The following CCDC141 variants were observed in gnomAD, a reference collection of about 807,000 sequenced individuals.
CCDC141 encodes the protein coiled-coil domain-containing protein 141.
CCDC141 carries 168 observed loss-of-function variants against 181.0 expected under a neutral mutation model. That is an observed-to-expected ratio of 0.93 (90% CI 0.82 to 1.05). The LOEUF is 1.05. Among genes scored for constraint, CCDC141 ranks in the 50% least tolerant of loss-of-function variants. The pLI is 0.00. For synonymous variants in CCDC141, 666 were observed against 642.3 expected, an observed-to-expected ratio of 1.04 and a Z score of -0.56; for missense variants, 1,902 against 1,788.5, an observed-to-expected ratio of 1.06 and a Z score of -1.14.
chr2:178,869,151 T>C lies in CCDC141; in HGVS notation c.2360A>G (p.Tyr787Cys). Reference protein sequence around the residue: ...ERIQDYEDILYKVVQFHQVKE... With the variant: ...ERIQDYEDILCKVVQFHQVKE... ...GACTTGATGGAACTGGACCACCTTG[T>C]ACAGGATATCCTCGTAATCCTGGAT... The change falls in exon 15 of 24, where the codon TAC becomes TGC. Residue 787 changes from tyrosine (Y) to cysteine (C), a missense_variant. By Grantham distance (194) the Tyr-to-Cys change is radical (BLOSUM62 -2). Coordinates refer to ENST00000443758, the MANE Select transcript of CCDC141 (RefSeq NM_173648.4). 6.2e-7 allele frequency: 1 copy of C among 1,611,912 alleles called. No homozygotes were observed. Among genetic ancestry groups the C allele is most frequent in the Non-Finnish European group, 8.5e-7 (1 of 1,179,220 alleles).
chr2:178,970,939 G>GAA (rs1690857036), intron 4 of CCDC141, among the ~76,000 whole-genome samples: 1 of 152,224 alleles, frequency 6.6e-6, no homozygotes, highest in Non-Finnish European at 1.5e-5. Flanking sequence ...GCCGGGCACA[G>GAA]TGGCTCACGC....
At chr2:178,842,770 C>T (rs1174110876) in intron 22 of CCDC141, among the ~76,000 whole-genome samples, 2 of 152,184 alleles carry the variant, frequency 1.3e-5, no homozygotes, top group Non-Finnish European at 1.5e-5. Flanking sequence ...CTGTAAAACA[C>T]ATTTGTAGAG....
At chr2:178,877,113 G>T (rs536925237) in intron 12 of CCDC141, 242 of 152,228 alleles carry the variant, frequency 1.6e-3, no homozygotes, top group African/African-American at 5.7e-3. Context: ...ACAAACCATA[G>T]AAAATCCTGA....
intron 2 of CCDC141, among the ~76,000 whole-genome samples, chr2:179,004,640 A>T (rs2042073267): frequency 6.6e-6 from 1 of 152,158 alleles, no homozygotes; most frequent in Admixed American, 6.6e-5. Context: ...TGACATCTGG[A>T]TATTGATTTC....
In CCDC141 at chr2:178,881,730, A is replaced by C. The variant is rs1012747684; in HGVS notation, c.1719+3171T>G. Among the ~76,000 whole-genome samples the C allele has an allele frequency of 2.4e-4, 37 of 151,972 alleles. 1 individual carries two copies. The highest frequency in any genetic ancestry group is 1.9e-4 in the East Asian group (1 of 5,176). ...ATGAAGAAACCCCATTTTTACAAAA[A>C]AAAATACAAAAAAATTAGCTGGGCT... is the stretch of plus-strand genomic sequence containing the variant. On this transcript the variant is annotated intron_variant, in intron 11 of 23. Coordinates refer to ENST00000443758, the MANE Select transcript of CCDC141 (RefSeq NM_173648.4).
chr2:178,862,163 AGAACATGTGACCGATACATG>A (rs1245059171), intron 17 of CCDC141, among the ~76,000 whole-genome samples: 1 of 152,362 alleles, frequency 6.6e-6, no homozygotes, highest in East Asian at 1.9e-4. Context: ...TTGTGCCATT[AGAACATGTGACCGATACATG>A]GAACATATAT....
At chr2:178,865,113 G>A (rs1685787226) in intron 17 of CCDC141, among the ~76,000 whole-genome samples, 1 of 152,220 alleles carries the variant, frequency 6.6e-6, no homozygotes, top group Non-Finnish European at 1.5e-5. Flanking sequence ...TGTTACAGTT[G>A]AGGGGGAGGA....
intron 19 of CCDC141, 142 bp from the exon 20 acceptor site, chr2:178,853,766 A>T (rs1420024769): frequency 1.3e-5 from 8 of 629,934 alleles, no homozygotes; most frequent in Non-Finnish European, 2.1e-5. Flanking sequence ...TAATAAAGAA[A>T]ATATTAAAAC....
chr2:178,870,354 T>C (rs1686061915), intron 14 of CCDC141, among the ~76,000 whole-genome samples: 1 of 151,812 alleles, frequency 6.6e-6, no homozygotes, highest in Non-Finnish European at 1.5e-5. Flanking sequence ...AAGGAGATAA[T>C]TTTCAGAAGA....
At chr2:178,838,942 G>A (rs1684603527) in intron 22 of CCDC141, among the ~76,000 whole-genome samples, 1 of 152,118 alleles carries the variant, frequency 6.6e-6, no homozygotes, top group African/African-American at 2.4e-5. Context: ...CCCACCTGCT[G>A]GTTTTATATC....
chr2:178,854,851 C>A (rs908028164), intron 19 of CCDC141, among the ~76,000 whole-genome samples: 1 of 152,106 alleles, frequency 6.6e-6, no homozygotes, highest in African/African-American at 2.4e-5. Flanking sequence ...CTTTAACTTG[C>A]CAAATTTCAT....
chr2:178,930,959 C>G (rs749331205), intron 6 of CCDC141, among the ~76,000 whole-genome samples: 1 of 152,020 alleles, frequency 6.6e-6, no homozygotes, highest in Non-Finnish European at 1.5e-5. Context: ...ATAAATAAAA[C>G]TTTATCAAAA....
intron 6 of CCDC141, among the ~76,000 whole-genome samples, chr2:178,943,117 G>A (rs1006379356): frequency 3.3e-5 from 5 of 152,130 alleles, no homozygotes; most frequent in African/African-American, 1.2e-4. Context: ...ATTAAAGGAA[G>A]TAGCATCCTA....
intron 21 of CCDC141, 108 bp downstream of exon 21, chr2:178,849,941 A>C: frequency 1.6e-6 from 1 of 640,386 alleles, no homozygotes; most frequent in Non-Finnish European, 2.8e-6. Flanking sequence ...TGTGCACATT[A>C]TGTACCCTGA....
At chr2:178,983,686 G>A (rs1029402247) in intron 2 of CCDC141, among the ~76,000 whole-genome samples, 10 of 151,326 alleles carry the variant, frequency 6.6e-5, no homozygotes, top group African/African-American at 1.7e-4. Flanking sequence ...CTCAGGAGCC[G>A]ATGCGATCAA....
At chr2:179,015,970 A>G (rs1301631776) in intron 2 of CCDC141, among the ~76,000 whole-genome samples, 1 of 148,048 alleles carries the variant, frequency 6.8e-6, no homozygotes, top group East Asian at 1.9e-4. Flanking sequence ...TATCATATAT[A>G]TATCTCATAT....
chr2:178,830,089 T>C lies in CCDC141; in HGVS notation c.*4084A>G, dbSNP rs1684194928. On this transcript the variant is annotated 3_prime_UTR_variant, in exon 24 of 24. Coordinates refer to ENST00000443758, the MANE Select transcript of CCDC141 (RefSeq NM_173648.4). The stretch of plus-strand genomic sequence containing the variant: ...TCATTTACGTAGTGTTCTAAAGAAG[T>C]ACATAAATTCTGGTTTTGACAGTTT... 6.6e-6 allele frequency: 1 copy of C among 152,206 alleles called. No individual in the cohort carries two copies. Among genetic ancestry groups the C allele is most frequent in the South Asian group, 2.1e-4 (1 of 4,832 alleles). The allele number at this position is 152,206 out of a possible 1,614,324, so 9.4% of individuals were successfully genotyped here.
At position 178,870,231 on chromosome 2, in the gene CCDC141, C is replaced by CAAAAAAAA. The variant is rs34625707; in HGVS notation, c.2206-934_2206-927dup. Among the ~76,000 whole-genome samples the CAAAAAAAA allele has an allele frequency of 4.8e-3, 288 of 60,238 alleles. 12 individuals carry two copies. Among genetic ancestry groups the CAAAAAAAA allele is most frequent in the Non-Finnish European group, 5.7e-3 (181 of 31,606 alleles). 39.5% of individuals were successfully genotyped at this position (60,238 alleles called of 152,430 possible). On this transcript the variant is annotated intron_variant, in intron 14 of 23. Coordinates refer to ENST00000443758, the MANE Select transcript of CCDC141 (RefSeq NM_173648.4). ...TGGGCAACAGAGTAAGACTCTGTCT[C>CAAAAAAAA]AAAAAAAAAAAAAAAAAAAAAAAGA...
At chr2:178,997,411 G>A (rs770593487) in intron 2 of CCDC141, among the ~76,000 whole-genome samples, 1 of 152,090 alleles carries the variant, frequency 6.6e-6, no homozygotes, top group African/African-American at 2.4e-5. Flanking sequence ...GTATGTATCA[G>A]TTAGTCAGCC....
Sources: gnomAD v4.1 joint callset for allele counts (sites outside exome capture counted in the v4.1 genomes callset) on GRCh38, gnomAD v4.1.1 for gene constraint, MANE v1.5 for transcripts, NCBI Gene and HGNC (gene_info 2026-07-23, HGNC 2026-07-21) for gene names.